Variants in RORA observed in about 807,000 individuals in gnomAD.
The protein encoded by RORA is nuclear receptor ROR-alpha.
A neutral mutation model predicts 69.5 loss-of-function variants in RORA; 7 were observed. That is an observed-to-expected ratio of 0.10 (90% CI 0.06 to 0.19). The LOEUF (loss-of-function observed/expected upper bound fraction) is 0.19. Ranked by LOEUF, RORA falls within the 10% of genes least tolerant of loss-of-function variation. RORA has a pLI of 1.00. For missense variants in RORA, 457 were observed against 663.0 expected (o/e 0.69, Z 3.41); for synonymous variants, 261 against 240.8 (o/e 1.08, Z -0.78).
At position 61,178,638 on chromosome 15, in the gene RORA, C is replaced by T. The variant is rs79295271; in HGVS notation, c.166+50415G>A. ...ATTTAACTCTAAAATAAACCATCACCCCAAGATTCTTTTTAAAAATAAAAG... is the reference window on the plus strand; with the variant it reads ...ATTTAACTCTAAAATAAACCATCACTCCAAGATTCTTTTTAAAAATAAAAG... On this transcript the variant is annotated intron_variant, in intron 1 of 10. Transcript: ENST00000335670. Among the ~76,000 whole-genome samples, 438 of 151,836 alleles carry T rather than the reference C, an allele frequency of 2.9e-3. 3 individuals carry two copies. The highest frequency in any genetic ancestry group is 9.9e-3 in the African/African-American group (410 of 41,380).
In RORA at chr15:60,743,540, G is replaced by A. The variant is rs368349752; in HGVS notation, c.167-64854C>T. On this transcript the variant is annotated intron_variant, in intron 1 of 10. Coordinates refer to ENST00000335670, the MANE Select transcript of RORA (RefSeq NM_134261.3). ...TCTACTTGAAGTGGAAGATGAGTGA[G>A]CTTCAATCCCATTGTCACTCTGCTA... 3.3e-5 allele frequency among the ~76,000 whole-genome samples: 5 copies of A among 152,202 alleles called. No individual in the cohort carries two copies. In the East Asian group the frequency reaches 5.8e-4, roughly 18 times the overall value.
chr15:60,927,430 C>T (rs1892250041), intron 1 of RORA, among the ~76,000 whole-genome samples: 1 of 152,206 alleles, frequency 6.6e-6, no homozygotes, highest in Non-Finnish European at 1.5e-5. Flanking sequence ...CGAATATAGT[C>T]TTTGCAGCTT....
intron 2 of RORA, among the ~76,000 whole-genome samples, chr15:60,626,011 C>G (rs2069568926): frequency 6.6e-6 from 1 of 152,194 alleles, no homozygotes; most frequent in Non-Finnish European, 1.5e-5. Context: ...TCAGAGCTCC[C>G]ACGTTCTTCC....
At chr15:60,619,858 G>A (rs945373468) in intron 2 of RORA, among the ~76,000 whole-genome samples, 3 of 152,232 alleles carry the variant, frequency 2.0e-5, no homozygotes, top group Non-Finnish European at 4.4e-5. Flanking sequence ...TGCAGAAGGT[G>A]TACCGCATCT....
chr15:60,567,380 C>A (rs1283139187), intron 2 of RORA, among the ~76,000 whole-genome samples: 1 of 151,184 alleles, frequency 6.6e-6, no homozygotes, highest in African/African-American at 2.4e-5. Flanking sequence ...TAGAGAGATG[C>A]CCTCTTTTAT....
intron 1 of RORA, among the ~76,000 whole-genome samples, chr15:60,704,281 A>AG (rs1423540681): frequency 1.3e-5 from 2 of 152,176 alleles, no homozygotes; most frequent in Non-Finnish European, 2.9e-5. Flanking sequence ...GAGTTGTAGG[A>AG]GGGGCCACAC....
In RORA at chr15:60,847,431, C is replaced by T. The variant is rs535121144; in HGVS notation, c.167-168745G>A. On this transcript the variant is annotated intron_variant, in intron 1 of 10. Transcript: ENST00000335670. ...CTACTTCCTGTGGCCTACTCAGAAC[C>T]TCTGGAATTGGGGATGGCTGATGGG... Among the ~76,000 whole-genome samples the T allele has an allele frequency of 5.9e-5, 9 of 152,110 alleles. No homozygotes were observed. In the South Asian group the frequency reaches 1.0e-3, roughly 18 times the overall value.
At chr15:60,764,655 G>A (rs1401170110) in intron 1 of RORA, 2 of 152,022 alleles carry the variant, frequency 1.3e-5, no homozygotes, top group Non-Finnish European at 2.9e-5. Flanking sequence ...TGGCTAAAAG[G>A]GATCAAACTT....
At chr15:60,549,768 C>G (rs1015665162) in intron 2 of RORA, among the ~76,000 whole-genome samples, 1 of 152,054 alleles carries the variant, frequency 6.6e-6, no homozygotes, top group Non-Finnish European at 1.5e-5. Flanking sequence ...TCCCAATCAA[C>G]AAAACAAACA....
chr15:61,179,709 T>C lies in RORA; in HGVS notation c.166+49344A>G, dbSNP rs1596051220. ...GTGGCAAATGGACAAACTGATGGAT[T>C]AAAGGGTTTTAATAACTGCTTTCAA... On this transcript the variant is annotated intron_variant, in intron 1 of 10. Coordinates refer to ENST00000335670, the MANE Select transcript of RORA (RefSeq NM_134261.3). Among the ~76,000 whole-genome samples the C allele has an allele frequency of 2.0e-5, 3 of 152,286 alleles. No individual in the cohort carries two copies. In the South Asian group the frequency reaches 6.2e-4, roughly 32 times the overall value.
At chr15:60,781,541 C>G (rs893821048) in intron 1 of RORA, among the ~76,000 whole-genome samples, 1 of 152,138 alleles carries the variant, frequency 6.6e-6, no homozygotes, top group African/African-American at 2.4e-5. Flanking sequence ...ATCTATTTAT[C>G]CCCTAACCGT....
chr15:60,660,223 G>A (rs1337686458), intron 2 of RORA, among the ~76,000 whole-genome samples: 1 of 152,174 alleles, frequency 6.6e-6, no homozygotes, highest in Non-Finnish European at 1.5e-5. Flanking sequence ...CACAGATAAT[G>A]TGAAGGTCAG....
At chr15:60,957,882 T>G (rs1341696539) in intron 1 of RORA, among the ~76,000 whole-genome samples, 2 of 152,214 alleles carry the variant, frequency 1.3e-5, no homozygotes, top group Non-Finnish European at 2.9e-5. Flanking sequence ...GTACTTTCCA[T>G]GATTTATCCT....
rs571320916 is a variant in RORA, at chr15:61,116,049, T to C, written c.166+113004A>G. Among the ~76,000 whole-genome samples the C allele has an allele frequency of 7.2e-5, 11 of 152,204 alleles. No homozygotes were observed. In the South Asian group the frequency reaches 2.3e-3, roughly 32 times the overall value. On this transcript the variant is annotated intron_variant, in intron 1 of 10. Coordinates refer to ENST00000335670, the MANE Select transcript of RORA (RefSeq NM_134261.3). ...GTAAAGGTGTCCCATAGGAACCCACTGTTGATCCTTCAGCACTTAAAAAAA... is the reference window on the plus strand; with the variant it reads ...GTAAAGGTGTCCCATAGGAACCCACCGTTGATCCTTCAGCACTTAAAAAAA...
chr15:60,658,592 C>A (rs2140712763), intron 2 of RORA, among the ~76,000 whole-genome samples: 1 of 150,384 alleles, frequency 6.6e-6, no homozygotes, highest in South Asian at 2.1e-4. Flanking sequence ...ATCTGCACAA[C>A]CACGTGTTTA....
chr15:60,851,410 A>G (rs1399845958), intron 1 of RORA, among the ~76,000 whole-genome samples: 1 of 152,036 alleles, frequency 6.6e-6, no homozygotes, highest in East Asian at 1.9e-4. Context: ...TGAGCGTGAA[A>G]GGCCTCAACG....
In RORA at chr15:60,514,680, G is replaced by A. The variant is rs200513189; in HGVS notation, c.360C>T (p.Thr120=). 66 of 1,613,810 alleles carry A rather than the reference G, an allele frequency of 4.1e-5. No homozygotes were observed. In the Admixed American group the frequency reaches 4.3e-4, roughly 11 times the overall value. The change falls in exon 4 of 11, where the codon ACC becomes ACT. Residue 120 remains threonine, a synonymous_variant. Transcript: ENST00000335670. ...GACAGTGTTGGCAGCGGTTTCTACT[G>A]GTTCGATCAATCAAACAGTTCTTCT... is the stretch of plus-strand genomic sequence containing the variant. ...PRQKNCLIDR[T]SRNRCQHCRL...
At chr15:61,065,510 T>C (rs544330827) in intron 1 of RORA, among the ~76,000 whole-genome samples, 1 of 152,220 alleles carries the variant, frequency 6.6e-6, no homozygotes, top group South Asian at 2.1e-4. Flanking sequence ...ACTAGCTCCA[T>C]GAGGACATCA....
intron 1 of RORA, among the ~76,000 whole-genome samples, chr15:60,742,974 C>T (rs1469166932): frequency 2.0e-5 from 3 of 148,158 alleles, no homozygotes; most frequent in African/African-American, 5.0e-5. Flanking sequence ...TACACAGAAA[C>T]AAGTTATATG....
Sources: gnomAD v4.1 joint callset for allele counts (sites outside exome capture counted in the v4.1 genomes callset) on GRCh38, gnomAD v4.1.1 for gene constraint, MANE v1.5 for transcripts, NCBI Gene and HGNC (gene_info 2026-07-23, HGNC 2026-07-21) for gene names.